FGF7: variants seen among roughly 807,000 people sequenced by gnomAD.
The protein encoded by FGF7 is fibroblast growth factor 7, also known as FGF-7.
In FGF7, 6 loss-of-function variants were observed where a neutral mutation model predicts 20.5. The observed-to-expected ratio is 0.29, with a 90% CI of 0.16 to 0.58. FGF7 has a LOEUF of 0.58. Among genes scored for constraint, FGF7 ranks in the 20% least tolerant of loss-of-function variants. The pLI, the probability that FGF7 is intolerant of heterozygous loss-of-function variation, is 0.90. For missense variants in FGF7, 144 were observed against 228.8 expected (o/e 0.63, Z 2.39); for synonymous variants, 64 against 74.7 (o/e 0.86, Z 0.74).
chr15:49,437,338 T>A (rs1007089593), intron 2 of FGF7, among the ~76,000 whole-genome samples: 1 of 151,652 alleles, frequency 6.6e-6, no homozygotes, highest in Non-Finnish European at 1.5e-5. Context: ...TTAACAAGCA[T>A]GTCTGAAGGA....
intron 2 of FGF7, among the ~76,000 whole-genome samples, chr15:49,445,574 A>G (rs1052427858): frequency 6.6e-6 from 1 of 151,558 alleles, no homozygotes; most frequent in African/African-American, 2.4e-5. Context: ...TAGATCACGG[A>G]CATACTAATT....
Position 49,485,224 on chromosome 15 carries a change from G to A in FGF7, c.*720G>A, listed in dbSNP as rs961449664. 2.0e-5 allele frequency: 3 copies of A among 152,060 alleles called. No homozygotes were observed. The highest frequency in any genetic ancestry group is 2.9e-5 in the Non-Finnish European group (2 of 67,878). The allele number at this position is 152,060 out of a possible 1,614,324, so 9.4% of individuals were successfully genotyped here. On this transcript the variant is annotated 3_prime_UTR_variant, in exon 4 of 4. Coordinates refer to ENST00000267843, the MANE Select transcript of FGF7 (RefSeq NM_002009.4). ...ATATAAGATAGCAACAGTGATTGAT[G>A]ATAATACTGTACTTCATCTTACTTG...
At chr15:49,481,802 T>A (rs1297974840) in intron 2 of FGF7, among the ~76,000 whole-genome samples, 5 of 152,166 alleles carry the variant, frequency 3.3e-5, no homozygotes, top group Non-Finnish European at 7.4e-5. Context: ...AATTTCTAGA[T>A]GAGTAGCTGT....
intron 2 of FGF7, among the ~76,000 whole-genome samples, chr15:49,463,580 C>T (rs948773196): frequency 6.6e-6 from 1 of 150,894 alleles, no homozygotes; most frequent in South Asian, 2.1e-4. Flanking sequence ...CCAAACTCAA[C>T]TAGCTGCATA....
At chr15:49,444,966 A>G (rs1440828424) in intron 2 of FGF7, among the ~76,000 whole-genome samples, 1 of 151,664 alleles carries the variant, frequency 6.6e-6, no homozygotes, top group Non-Finnish European at 1.5e-5. Context: ...ACAAATATTC[A>G]TGTATTCATA....
At chr15:49,427,204 T>A (rs181441906) in intron 2 of FGF7, among the ~76,000 whole-genome samples, 1 of 151,990 alleles carries the variant, frequency 6.6e-6, no homozygotes, top group Admixed American at 6.6e-5. Context: ...TATTAGGAAA[T>A]CTAGGTTCAA....
At chr15:49,474,158 C>A (rs1404782800) in intron 2 of FGF7, among the ~76,000 whole-genome samples, 2 of 151,958 alleles carry the variant, frequency 1.3e-5, no homozygotes, top group African/African-American at 2.4e-5. Context: ...TGGTCTATAT[C>A]AAGGAAAATA....
At chr15:49,449,668 C>T (rs1013481500) in intron 2 of FGF7, among the ~76,000 whole-genome samples, 3 of 152,038 alleles carry the variant, frequency 2.0e-5, no homozygotes, top group African/African-American at 7.2e-5. Context: ...TTAAGCTTGT[C>T]CAGGTCCCTT....
intron 2 of FGF7, among the ~76,000 whole-genome samples, chr15:49,431,209 C>T (rs1473583066): frequency 1.3e-5 from 2 of 151,714 alleles, no homozygotes; most frequent in African/African-American, 4.8e-5. Flanking sequence ...AACATTTTTA[C>T]CCCTCAAATA....
Position 49,424,602 on chromosome 15 carries a change from T to A in FGF7, c.286+19T>A. The A allele has an allele frequency of 6.5e-7, 1 of 1,537,758 alleles. No individual in the cohort carries two copies. The highest frequency in any genetic ancestry group is 8.8e-7 in the Non-Finnish European group (1 of 1,137,578). On this transcript the variant is annotated intron_variant, in intron 2 of 3. Transcript: ENST00000267843. ...AATTACAGTAAGTAATTTTAAGTAC[T>A]GCTCATGAACCTTAGCAATCTGTTA...
intron 2 of FGF7, among the ~76,000 whole-genome samples, chr15:49,459,091 A>G (rs191786359): frequency 5.1e-4 from 78 of 152,300 alleles, no homozygotes; most frequent in Non-Finnish European, 9.6e-4. Context: ...AAATACAAAC[A>G]TTACTGAATA....
chr15:49,424,539 A>G lies in FGF7; in HGVS notation c.242A>G (p.Lys81Arg), dbSNP rs1242213693. The G allele has an allele frequency of 1.1e-5, 17 of 1,606,992 alleles. No individual in the cohort carries two copies. Among genetic ancestry groups the G allele is most frequent in the Non-Finnish European group, 1.4e-5 (17 of 1,175,342 alleles). The change falls in exon 2 of 4, where the codon AAA becomes AGA. Residue 81 changes from lysine (K) to arginine (R), a missense_variant. Around this residue, in one of 2 missense-constraint regions of FGF7, gnomAD observed 88 missense variants for 103.4 expected, o/e 0.85. Coordinates refer to ENST00000267843, the MANE Select transcript of FGF7 (RefSeq NM_002009.4). ...CRTQWYLRID[K>R]RGKVKGTQEM... ...ACACAGTGGTACCTGAGGATCGATA[A>G]AAGAGGCAAAGTAAAAGGGACCCAA...
chr15:49,439,273 G>T (rs1402419805), intron 2 of FGF7, among the ~76,000 whole-genome samples: 2 of 151,044 alleles, frequency 1.3e-5, no homozygotes, highest in African/African-American at 4.9e-5. Context: ...CAATGAGAGG[G>T]GTAGGAGAGA....
chr15:49,452,587 C>T (rs1440207974), intron 2 of FGF7, among the ~76,000 whole-genome samples: 1 of 152,204 alleles, frequency 6.6e-6, no homozygotes, highest in East Asian at 1.9e-4. Context: ...ACTTAAGCAA[C>T]TAAAGAAAGC....
intron 2 of FGF7, among the ~76,000 whole-genome samples, chr15:49,453,498 A>T (rs1041120621): frequency 6.6e-6 from 1 of 152,136 alleles, no homozygotes; most frequent in Non-Finnish European, 1.5e-5. Flanking sequence ...ACACACCTTA[A>T]TTCCAACTAT....
intron 2 of FGF7, among the ~76,000 whole-genome samples, chr15:49,463,021 C>T (rs989813375): frequency 6.6e-6 from 1 of 152,138 alleles, no homozygotes; most frequent in African/African-American, 2.4e-5. Context: ...TCTTAAATCA[C>T]TCAAAATAGA....
At chr15:49,437,537 T>C (rs1597183384) in intron 2 of FGF7, among the ~76,000 whole-genome samples, 1 of 151,658 alleles carries the variant, frequency 6.6e-6, no homozygotes, top group South Asian at 2.1e-4. Context: ...GGGGTGTGAT[T>C]CTGGGTAAAT....
intron 2 of FGF7, among the ~76,000 whole-genome samples, chr15:49,480,210 C>A (rs1567361085): frequency 6.6e-6 from 1 of 152,144 alleles, no homozygotes; most frequent in Non-Finnish European, 1.5e-5. Flanking sequence ...CTATTCTCAT[C>A]TCAGTTAAAC....
At chr15:49,480,258 C>T (rs1245480519) in intron 2 of FGF7, among the ~76,000 whole-genome samples, 2 of 152,000 alleles carry the variant, frequency 1.3e-5, no homozygotes, top group Non-Finnish European at 2.9e-5. Flanking sequence ...ATCCTTAACC[C>T]TAATATGTGG....
Sources: allele counts gnomAD v4.1 joint callset (sites outside exome capture counted in the v4.1 genomes callset), GRCh38; gene constraint gnomAD v4.1.1; regional missense constraint gnomAD v4.1.1; transcripts MANE v1.5; gene names NCBI Gene and HGNC (gene_info 2026-07-23, HGNC 2026-07-21).